Variants in RIF1 observed in about 807,000 individuals in gnomAD.
RIF1 encodes replication timing regulatory factor 1.
In RIF1, 45 loss-of-function variants were observed where a neutral mutation model predicts 247.1. The observed-to-expected ratio is 0.18, with a 90% CI of 0.14 to 0.23. The LOEUF is 0.23. RIF1 is among the 10% of genes least tolerant of loss of function. The pLI, the probability that RIF1 is intolerant of heterozygous loss-of-function variation, is 1.00. For missense variants in RIF1, 2,967 were observed against 2,862.5 expected (o/e 1.04, Z -0.83); for synonymous variants, 1,087 against 978.8 (o/e 1.11, Z -2.06).
chr2:151,411,542 A>G (rs1195426261), intron 3 of RIF1, among the ~76,000 whole-genome samples: 1 of 152,084 alleles, frequency 6.6e-6, no homozygotes, highest in Non-Finnish European at 1.5e-5. Context: ...AGCTGGGATT[A>G]TAGGCATCCG....
intron 30 of RIF1, among the ~76,000 whole-genome samples, chr2:151,467,075 A>C (rs1697031793): frequency 1.3e-5 from 2 of 152,146 alleles, no homozygotes; most frequent in South Asian, 4.2e-4. Context: ...TTAAAAATAC[A>C]AAAATTAGCT....
At chr2:151,467,483 T>TA (rs1697117142) in intron 30 of RIF1, among the ~76,000 whole-genome samples, 2 of 152,032 alleles carry the variant, frequency 1.3e-5, no homozygotes, top group Non-Finnish European at 2.9e-5. Context: ...TAGCTGGCAT[T>TA]ACAGGCATGT....
Position 151,463,123 on chromosome 2 carries a change from A to C in RIF1, c.3603A>C (p.Ser1201=), listed in dbSNP as rs770430488. ...TENSFVVSSS[S]VSNTTVAGTP... ...ATTCTTTCGTTGTCAGCAGTAGTTC[A>C]GTTTCTAATACCACTGTTGCTGGAA... The change falls in exon 30 of 36, where the codon TCA becomes TCC. Residue 1201 remains serine, a synonymous_variant. Coordinates refer to ENST00000444746, the MANE Select transcript of RIF1 (RefSeq NM_018151.5). 5 of 1,613,836 alleles carry C rather than the reference A, an allele frequency of 3.1e-6. No individual in the cohort carries two copies. Among genetic ancestry groups the C allele is most frequent in the South Asian group, 2.2e-5 (2 of 91,070 alleles).
chr2:151,413,049 CT>C (rs35203891), intron 3 of RIF1, among the ~76,000 whole-genome samples: 4,734 of 144,350 alleles, frequency 0.033, 123 homozygotes, highest in East Asian at 0.15. Context: ...CTATTGCATA[CT>C]TTTTTTTTTT....
intron 11 of RIF1, chr2:151,501,244 A>G: frequency 1.9e-6 from 1 of 532,804 alleles, no homozygotes. Flanking sequence ...GGTGAGTAGG[A>G]GATCTGGAAA....
intron 34 of RIF1, 32 bp downstream of exon 34, chr2:151,469,896 T>G (rs1553498932): frequency 4.0e-6 from 6 of 1,500,958 alleles, no homozygotes; most frequent in Non-Finnish European, 4.5e-6. Context: ...ATGATGTATA[T>G]TAATAAATGA....
the RIF1 span, among the ~76,000 whole-genome samples, chr2:151,517,949 C>T: frequency 2.0e-5 from 3 of 152,110 alleles, no homozygotes; most frequent in Non-Finnish European, 4.4e-5. Context: ...CAGTAGTAGA[C>T]CTGATCGTAT....
chr2:151,425,134 T>C (rs1688818587), intron 8 of RIF1, among the ~76,000 whole-genome samples: 1 of 152,154 alleles, frequency 6.6e-6, no homozygotes, highest in Non-Finnish European at 1.5e-5. Flanking sequence ...GGTATAGATT[T>C]GCATTTCTCT....
chr2:151,449,844 C>CTTTTTTTTT (rs11405455), intron 20 of RIF1, among the ~76,000 whole-genome samples: 2 of 137,162 alleles, frequency 1.5e-5, no homozygotes, highest in African/African-American at 2.7e-5. Context: ...ACTTTGATGC[C>CTTTTTTTTT]TTTTTTTTTT....
intron 2 of RIF1, 61 bp downstream of exon 2, chr2:151,410,588 T>G: frequency 7.4e-7 from 1 of 1,354,348 alleles, no homozygotes; most frequent in Non-Finnish European, 1.0e-6. Context: ...AGAAAGAAGG[T>G]GGTTGGGAGG....
At chr2:151,451,472 G>A (rs968933767) in intron 20 of RIF1, 134 bp from the exon 21 acceptor site, 1 of 607,432 alleles carries the variant, frequency 1.6e-6, no homozygotes, top group Admixed American at 2.8e-5. Context: ...TGCACTTAAT[G>A]TACTGTAAGC....
At position 151,481,110 on chromosome 2, in the gene RIF1, C is replaced by T. The variant is rs1001281662; in HGVS notation, c.*6039C>T. On this transcript the variant is annotated 3_prime_UTR_variant, in exon 36 of 36. Transcript: ENST00000444746. Reference sequence around the variant, plus strand: ...GCTGAGTTTAGTAGTATAGCAGAGTCTGTATGGCTTCCAACAGTCAAAATA... The same window carrying T: ...GCTGAGTTTAGTAGTATAGCAGAGTTTGTATGGCTTCCAACAGTCAAAATA... The T allele has an allele frequency of 1.3e-5, 2 of 152,212 alleles. No individual in the cohort carries two copies. Among genetic ancestry groups the T allele is most frequent in the Non-Finnish European group, 2.9e-5 (2 of 68,042 alleles). The allele number at this position is 152,212 out of a possible 1,614,324, so 9.4% of individuals were successfully genotyped here.
In RIF1 at chr2:151,493,410, C is replaced by T. The variant is rs768683537; in HGVS notation, c.*416-1819C>T. On this transcript the variant is annotated intron_variant and NMD_transcript_variant, in intron 9 of 13. Coordinates refer to the RIF1 transcript ENST00000454583. ...TCTCCATCTCTGGAGTAACAGGTGT[C>T]GGAGTTGCTTTTCTCATGTTCTCTT... The T allele has an allele frequency of 1.9e-6, 3 of 1,607,024 alleles. No individual in the cohort carries two copies. Among genetic ancestry groups the T allele is most frequent in the East Asian group, 2.2e-5 (1 of 44,712 alleles).
intron 19 of RIF1, 65 bp from the exon 20 acceptor site, chr2:151,446,361 G>T: frequency 3.0e-6 from 4 of 1,317,732 alleles, no homozygotes; most frequent in South Asian, 2.5e-5. Flanking sequence ...AAGATGTATT[G>T]ATTCTATAAA....
chr2:151,471,620 A>G (rs1009207493), intron 34 of RIF1, among the ~76,000 whole-genome samples: 1 of 152,198 alleles, frequency 6.6e-6, no homozygotes, highest in African/African-American at 2.4e-5. Context: ...CATTTATTAA[A>G]TAGGGAATCC....
chr2:151,496,016 T>TAA (rs2059947794), intron 10 of RIF1, among the ~76,000 whole-genome samples: 1 of 152,008 alleles, frequency 6.6e-6, no homozygotes. Flanking sequence ...GGATAGAGAG[T>TAA]AAGTTTGGAG....
chr2:151,436,332 G>T (rs1347586575), intron 11 of RIF1, among the ~76,000 whole-genome samples: 3 of 152,048 alleles, frequency 2.0e-5, no homozygotes, highest in African/African-American at 7.2e-5. Context: ...TTGAAGCCAG[G>T]AGTTGGATAC....
the RIF1 span, chr2:151,525,070 T>G: frequency 1.1e-6 from 1 of 947,112 alleles, no homozygotes; most frequent in South Asian, 1.4e-5. Context: ...CACAGAGGAA[T>G]TAGAGTGACC....
intron 9 of RIF1, chr2:151,491,579 G>A: frequency 1.0e-6 from 1 of 961,730 alleles, no homozygotes. Flanking sequence ...CTCAGAAAAT[G>A]GAAAACTCTG....
Sources: allele counts gnomAD v4.1 joint callset (sites outside exome capture counted in the v4.1 genomes callset), GRCh38; gene constraint gnomAD v4.1.1; transcripts MANE v1.5; gene names NCBI Gene and HGNC (gene_info 2026-07-23, HGNC 2026-07-21).